SLC41A3: variants seen among roughly 807,000 people sequenced by gnomAD.
SLC41A3 encodes the protein solute carrier family 41 member 3.
SLC41A3 carries 44 observed loss-of-function variants against 45.4 expected under a neutral mutation model. That is an observed-to-expected ratio of 0.97 (90% CI 0.76 to 1.25). The LOEUF (loss-of-function observed/expected upper bound fraction) is 1.25. Ranked by LOEUF, SLC41A3 falls within the 50% of genes most tolerant of loss-of-function variation. The pLI, the probability that SLC41A3 is intolerant of heterozygous loss-of-function variation, is 0.00. For synonymous variants in SLC41A3, 256 were observed against 252.4 expected, an observed-to-expected ratio of 1.01 and a Z score of -0.13; for missense variants, 550 against 600.6, an observed-to-expected ratio of 0.92 and a Z score of 0.88.
chr3:126,077,370 ACT>A (rs959378392), intron 1 of SLC41A3, among the ~76,000 whole-genome samples: 25 of 152,148 alleles, frequency 1.6e-4, no homozygotes, highest in African/African-American at 5.3e-4. Context: ...ACAGAGTAAG[ACT>A]CTGTCTCAAA....
At chr3:126,061,576 GTGAA>G (rs933419989) in intron 2 of SLC41A3, among the ~76,000 whole-genome samples, 3 of 152,316 alleles carry the variant, frequency 2.0e-5, no homozygotes, top group Admixed American at 2.0e-4. Context: ...GCCTGAATGA[GTGAA>G]TGAATGAATG....
At position 126,093,297 on chromosome 3, in the gene SLC41A3, A is replaced by C. The variant is rs187491379; in HGVS notation, c.-79+8132T>G. Among the ~76,000 whole-genome samples, 21 of 152,376 alleles carry C rather than the reference A, an allele frequency of 1.4e-4. No homozygotes were observed. In the East Asian group the frequency reaches 3.9e-3, roughly 28 times the overall value. ...GTCTGAAATATGTCCAAAATATAAA[A>C]AAGGAAAACATTGGGCTAATCAGTG... On this transcript the variant is annotated intron_variant, in intron 1 of 9. Coordinates refer to the SLC41A3 transcript ENST00000508835.
chr3:126,050,369 A>G (rs577958140), intron 3 of SLC41A3, among the ~76,000 whole-genome samples: 2 of 152,314 alleles, frequency 1.3e-5, no homozygotes, highest in South Asian at 4.2e-4. Context: ...CATTCTGTGT[A>G]GTAGAAGGGA....
At chr3:126,095,384 A>G in intron 1 of SLC41A3, 2 of 509,984 alleles carry the variant, frequency 3.9e-6, no homozygotes, top group Non-Finnish European at 3.4e-6. Flanking sequence ...CAGATCAAGA[A>G]GCTGTCACAG....
chr3:126,048,764 G>C (rs140106861), intron 3 of SLC41A3, among the ~76,000 whole-genome samples: 14 of 152,278 alleles, frequency 9.2e-5, no homozygotes, highest in African/African-American at 3.4e-4. Flanking sequence ...AGGGGAGTGG[G>C]CTGCAACAGC....
chr3:126,046,847 A>C (rs1942992597), intron 3 of SLC41A3, among the ~76,000 whole-genome samples: 2 of 151,986 alleles, frequency 1.3e-5, no homozygotes, highest in Admixed American at 1.3e-4. Flanking sequence ...CTGTAATCCC[A>C]GCTACTTGGG....
chr3:126,046,127 C>T (rs9838058), intron 3 of SLC41A3, among the ~76,000 whole-genome samples: 8,274 of 151,724 alleles, frequency 0.055, 708 homozygotes, highest in African/African-American at 0.18. Flanking sequence ...GTGAAAATCC[C>T]ACAGTAAACA....
At chr3:126,038,806 C>T (rs938788269) in intron 3 of SLC41A3, among the ~76,000 whole-genome samples, 1 of 152,126 alleles carries the variant, frequency 6.6e-6, no homozygotes, top group African/African-American at 2.4e-5. Flanking sequence ...AAAGAATGAT[C>T]TGGTTTGGAT....
intron 3 of SLC41A3, among the ~76,000 whole-genome samples, chr3:126,040,411 T>G (rs1052609618): frequency 2.0e-5 from 3 of 152,032 alleles, no homozygotes; most frequent in Admixed American, 1.3e-4. Context: ...ACAAATTGGG[T>G]TGACGAGAGA....
chr3:126,011,120 A>G (rs1939661035), intron 9 of SLC41A3, among the ~76,000 whole-genome samples: 1 of 152,210 alleles, frequency 6.6e-6, no homozygotes, highest in African/African-American at 2.4e-5. Flanking sequence ...CATCACCTGA[A>G]AGCCGTTCTA....
chr3:126,026,667 C>G lies in SLC41A3; in HGVS notation c.454-188G>C, dbSNP rs973609735. Among the ~76,000 whole-genome samples, 3 of 152,204 alleles carry G rather than the reference C, an allele frequency of 2.0e-5. No individual in the cohort carries two copies. Among genetic ancestry groups the G allele is most frequent in the Non-Finnish European group, 4.4e-5 (3 of 68,042 alleles). ...CCACACCCCACACCTGCCTTGAACT[C>G]AACTCCTCCGAAACCACGCTGGCCA... On this transcript the variant is annotated intron_variant, in intron 4 of 10. Coordinates refer to ENST00000360370, the MANE Select transcript of SLC41A3 (RefSeq NM_017836.4). The surrounding 1 kb of genome is among the most constrained non-coding windows in gnomAD (Gnocchi z 4.2).
chr3:126,096,686 TTTAG>T (rs1436137587), intron 1 of SLC41A3, among the ~76,000 whole-genome samples: 1 of 152,272 alleles, frequency 6.6e-6, no homozygotes, highest in African/African-American at 2.4e-5. Flanking sequence ...AAGGGATACT[TTTAG>T]TTAATCTAAT....
intron 2 of SLC41A3, chr3:126,067,521 C>A: frequency 4.9e-6 from 2 of 408,894 alleles, no homozygotes; most frequent in Non-Finnish European, 4.8e-6. Flanking sequence ...GTCTGCAAGC[C>A]AAGGAGAGGC....
intron 5 of SLC41A3, chr3:126,023,752 A>C (rs886386943): frequency 8.5e-5 from 13 of 152,182 alleles, no homozygotes; most frequent in African/African-American, 3.1e-4. Context: ...TGTGCTCTGA[A>C]GGGGACTATC....
chr3:126,022,967 ATC>A (rs1236724184), intron 5 of SLC41A3, 35 bp from the exon 6 acceptor site: 2 of 1,612,284 alleles, frequency 1.2e-6, no homozygotes, highest in Admixed American at 3.3e-5. Flanking sequence ...GCAGACTCAA[ATC>A]CCAGGGAGCC....
intron 1 of SLC41A3, among the ~76,000 whole-genome samples, chr3:126,101,029 G>T (rs1356195075): frequency 6.6e-6 from 1 of 152,238 alleles, no homozygotes; most frequent in Non-Finnish European, 1.5e-5. Flanking sequence ...AGTCGCCCCG[G>T]GGGAGATGAG....
chr3:126,080,283 A>G (rs892906713), intron 1 of SLC41A3, among the ~76,000 whole-genome samples: 1 of 152,178 alleles, frequency 6.6e-6, no homozygotes, highest in African/African-American at 2.4e-5. Flanking sequence ...AACCCACAGA[A>G]TGGAAGAAAA....
chr3:126,069,809 C>T (rs546372014), intron 1 of SLC41A3, among the ~76,000 whole-genome samples: 4 of 151,836 alleles, frequency 2.6e-5, no homozygotes, highest in South Asian at 2.1e-4. Flanking sequence ...TAGAAATTCA[C>T]GAGTTCTAAA....
At chr3:126,093,017 T>A (rs1226072647) in intron 1 of SLC41A3, among the ~76,000 whole-genome samples, 1 of 152,156 alleles carries the variant, frequency 6.6e-6, no homozygotes, top group Non-Finnish European at 1.5e-5. Context: ...CAGTGACTGT[T>A]CGAGCAGCAC....
Sources: gnomAD v4.1 joint callset for allele counts (sites outside exome capture counted in the v4.1 genomes callset) on GRCh38, gnomAD v4.1.1 for gene constraint, Gnocchi (gnomAD v3.1) non-coding constraint, MANE v1.5 for transcripts, NCBI Gene and HGNC (gene_info 2026-07-23, HGNC 2026-07-21) for gene names.